ZNF658: variants seen among roughly 807,000 people sequenced by gnomAD.
ZNF658 encodes the protein zinc finger protein 658.
A neutral mutation model predicts 78.0 loss-of-function variants in ZNF658; 46 were observed. The ratio of observed to expected loss-of-function variants is 0.59; its 90% CI spans 0.47 to 0.75. The LOEUF is 0.75. Among genes scored for constraint, ZNF658 ranks in the 30% least tolerant of loss-of-function variants. The probability of loss-of-function intolerance (pLI) is 0.00; values close to 1 mark genes in which losing one functional copy is unlikely to be tolerated. For missense variants in ZNF658, 785 were observed against 1,189.3 expected, an observed-to-expected ratio of 0.66 and a Z score of 5.00; for synonymous variants, 279 against 408.4, an observed-to-expected ratio of 0.68 and a Z score of 3.82.
chr9:66,922,128 G>A (rs1189140635), downstream of ZNF658, among the ~76,000 whole-genome samples: 6 of 133,346 alleles, frequency 4.5e-5, no homozygotes, highest in East Asian at 2.2e-4. Context: ...GCAAGGCTCC[G>A]TGGGCATGGG....
downstream of ZNF658, among the ~76,000 whole-genome samples, chr9:66,922,431 C>A (rs77751076): frequency 2.8e-5 from 4 of 144,476 alleles, no homozygotes; most frequent in East Asian, 4.2e-4. Flanking sequence ...GCGTCACTCA[C>A]GCTGGGAGCT....
chr9:66,904,976 T>C (rs777579780), intron 2 of ZNF658, among the ~76,000 whole-genome samples: 5 of 151,658 alleles, frequency 3.3e-5, no homozygotes, highest in Non-Finnish European at 7.4e-5. Flanking sequence ...GTTTCTCTGT[T>C]ACAGCTTTCC....
intron 4 of ZNF658, among the ~76,000 whole-genome samples, chr9:66,910,573 C>T (rs1203289594): frequency 6.6e-6 from 1 of 151,748 alleles, no homozygotes; most frequent in Non-Finnish European, 1.5e-5. Context: ...CTTTGGGAGG[C>T]CAAGGCAGAC....
chr9:66,902,077 G>A (rs1821964994), intron 1 of ZNF658, among the ~76,000 whole-genome samples: 2 of 151,898 alleles, frequency 1.3e-5, no homozygotes, highest in Admixed American at 1.3e-4. Context: ...CCAAACTTCA[G>A]GTGTTCAATG....
Position 66,908,323 on chromosome 9 carries a change from G to A in ZNF658, c.101G>A (p.Arg34Lys), listed in dbSNP as rs745906471. Residue 34 changes from arginine (R) to lysine (K), a missense_variant, in exon 3 of 5, where the codon AGA (arginine) becomes AAA (lysine). Transcript: ENST00000621410. ...HLGPVERTLYRDVMLENYSHL... is the reference protein window; with the variant it reads ...HLGPVERTLYKDVMLENYSHL... ...GGCCCTGTCGAGAGGACGCTGTACA[G>A]AGATGTGATGCTGGAGAACTACAGC... 10 of 1,614,136 alleles carry A rather than the reference G, an allele frequency of 6.2e-6. No homozygotes were observed. The Admixed American group carries it at 1.7e-4, about 27-fold the overall frequency.
At position 66,918,696 on chromosome 9, in the gene ZNF658, A is replaced by C. The variant is rs536823450; in HGVS notation, c.1130A>C (p.Glu377Ala). ...DFTAHQRIHT[E>A]DKFYLSDEHG... ...ACAGCACATCAGAGAATTCACACAG[A>C]AGATAAATTCTACCTTTCTGATGAA... is the stretch of plus-strand genomic sequence containing the variant. Residue 377 changes from glutamate to alanine, a missense_variant, in exon 5 of 5, where the codon GAA (glutamate) becomes GCA (alanine). By Grantham distance (107) the Glu-to-Ala change is moderately radical. Coordinates refer to ENST00000621410, the MANE Select transcript of ZNF658 (RefSeq NM_033160.7). The C allele has an allele frequency of 1.5e-5, 25 of 1,613,974 alleles. No individual in the cohort carries two copies. Among genetic ancestry groups the C allele is most frequent in the Middle Eastern group, 1.7e-4 (1 of 6,056 alleles).
rs879575449 is a variant in ZNF658 at position 66,904,392 on chromosome 9, C to T, written c.15+816C>T. On this transcript the variant is annotated intron_variant, in intron 2 of 4. Coordinates refer to ENST00000621410, the MANE Select transcript of ZNF658 (RefSeq NM_033160.7). ...TACTTGCCCCTCACTGGTCCTTCCC[C>T]GGCTGATGTCTTCATGGAGCCACCT... Among the ~76,000 whole-genome samples the T allele has an allele frequency of 2.6e-3, 388 of 151,512 alleles. 11 individuals carry two copies. Among genetic ancestry groups the T allele is most frequent in the Admixed American group, 3.1e-3 (47 of 15,196 alleles).
rs1368227579 is a variant in ZNF658, at chr9:66,919,751, C to T, written c.2185C>T (p.Leu729Phe). ...GAAAACATTTGCCCATAATTCAGCC[C>T]TTAGAGCACATCAGAATATCCACAC... Reference protein sequence around the residue: ...CEKTFAHNSALRAHQNIHTGE... With the variant: ...CEKTFAHNSAFRAHQNIHTGE... The change falls in exon 5 of 5, where the codon CTT becomes TTT. Residue 729 changes from leucine (L) to phenylalanine (F), a missense_variant. Physicochemically the swap from Leu to Phe is conservative, Grantham distance 22 (BLOSUM62 0). Transcript: ENST00000621410. 1.2e-6 allele frequency: 2 copies of T among 1,612,186 alleles called. No individual in the cohort carries two copies. The highest frequency in any genetic ancestry group is 1.1e-5 in the South Asian group (1 of 90,974).
At chr9:66,906,216 C>A (rs1422103600) in intron 2 of ZNF658, among the ~76,000 whole-genome samples, 1 of 149,594 alleles carries the variant, frequency 6.7e-6, no homozygotes, top group Non-Finnish European at 1.5e-5. Context: ...CAATTTATAA[C>A]CCCATGTTAA....
chr9:66,926,284 G>A (rs1276543392), downstream of ZNF658, among the ~76,000 whole-genome samples: 8 of 136,226 alleles, frequency 5.9e-5, no homozygotes, highest in Admixed American at 1.5e-4. Flanking sequence ...TCAGAAGGAA[G>A]AAGTGAAATT....
intron 1 of ZNF658, chr9:66,903,168 G>C (rs1202534717): frequency 4.9e-6 from 1 of 202,238 alleles, no homozygotes; most frequent in Non-Finnish European, 1.0e-5. Flanking sequence ...ATAATTATTA[G>C]TAAATCAACA....
chr9:66,912,938 C>T (rs1006104727), intron 4 of ZNF658, among the ~76,000 whole-genome samples: 2 of 152,000 alleles, frequency 1.3e-5, no homozygotes, highest in Non-Finnish European at 2.9e-5. Flanking sequence ...ATCCCAGCTG[C>T]TTGGGAGGCT....
intron 6 of ZNF658, among the ~76,000 whole-genome samples, chr9:66,927,697 CACA>C (rs1448998060): frequency 1.6e-4 from 24 of 152,148 alleles, no homozygotes; most frequent in Non-Finnish European, 2.6e-4. Flanking sequence ...CTGCAATATG[CACA>C]ACATGAATAA....
At chr9:66,910,872 A>G (rs963530140) in intron 4 of ZNF658, among the ~76,000 whole-genome samples, 2 of 150,952 alleles carry the variant, frequency 1.3e-5, no homozygotes, top group Admixed American at 6.7e-5. Flanking sequence ...TTCATGTTCT[A>G]TATCATTCAG....
At chr9:66,923,368 GT>G (rs1822554487), downstream of ZNF658, among the ~76,000 whole-genome samples, 1 of 144,032 alleles carries the variant, frequency 6.9e-6, no homozygotes, top group Non-Finnish European at 1.5e-5. Context: ...TAGAGGGTGG[GT>G]CTGCCTCTTC....
chr9:66,925,181 C>G (rs952250972), downstream of ZNF658, among the ~76,000 whole-genome samples: 3 of 142,554 alleles, frequency 2.1e-5, no homozygotes, highest in Non-Finnish European at 4.6e-5. Flanking sequence ...TAGCATTACC[C>G]TGATATAAAT....
chr9:66,908,799 G>T (rs1467660869), intron 4 of ZNF658, 65 bp downstream of exon 4: 2 of 1,392,534 alleles, frequency 1.4e-6, no homozygotes, highest in Admixed American at 2.4e-5. Context: ...GAGCACCTTT[G>T]AAAGTTTTTT....
intron 4 of ZNF658, among the ~76,000 whole-genome samples, chr9:66,910,922 C>T (rs2118016087): frequency 6.6e-6 from 1 of 151,694 alleles, no homozygotes; most frequent in South Asian, 2.1e-4. Flanking sequence ...GTAGGAAAAG[C>T]TCTCATTCAA....
At chr9:66,913,356 C>T (rs939637678) in intron 4 of ZNF658, among the ~76,000 whole-genome samples, 1 of 151,286 alleles carries the variant, frequency 6.6e-6, no homozygotes, top group Non-Finnish European at 1.5e-5. Flanking sequence ...ACTCGGGAGG[C>T]AGAGGTTGCA....
Sources: gnomAD v4.1 joint callset for allele counts (sites outside exome capture counted in the v4.1 genomes callset) on GRCh38, gnomAD v4.1.1 for gene constraint, MANE v1.5 for transcripts, NCBI Gene and HGNC (gene_info 2026-07-23, HGNC 2026-07-21) for gene names.